FKTN: variants seen among roughly 807,000 people sequenced by gnomAD.
FKTN encodes ribitol-5-phosphate transferase FKTN.
Under a neutral mutation model 58.6 loss-of-function variants are expected in FKTN, and 47 were observed. The observed-to-expected ratio is 0.80, with a 90% CI of 0.63 to 1.02. FKTN has a LOEUF of 1.02. FKTN is among the 50% of genes least tolerant of loss of function. The pLI, the probability that FKTN is intolerant of heterozygous loss-of-function variation, is 0.00. For missense variants in FKTN, 516 were observed against 537.3 expected (o/e 0.96, Z 0.39); for synonymous variants, 178 against 191.9 (o/e 0.93, Z 0.60).
rs1834304964 is a variant in FKTN at position 105,639,871 on chromosome 9, T to C, written c.*4607T>C. 7.3e-7 allele frequency: 1 copy of C among 1,362,562 alleles called. No individual in the cohort carries two copies. The highest frequency in any genetic ancestry group is 1.5e-5 in the African/African-American group (1 of 67,666). The allele number at this position is 1,362,562 out of a possible 1,614,324, so 84.4% of individuals were successfully genotyped here. ...GTACTTCACTAGATTTGGTACCTGC[T>C]CTCCCCTGGACTTCTTTTTCAATAT... is the stretch of plus-strand genomic sequence containing the variant. On this transcript the variant is annotated 3_prime_UTR_variant, in exon 11 of 11. Coordinates refer to ENST00000357998, the MANE Select transcript of FKTN (RefSeq NM_001079802.2).
intron 10 of FKTN, among the ~76,000 whole-genome samples, chr9:105,632,347 A>G (rs1203130875): frequency 6.6e-6 from 1 of 152,082 alleles, no homozygotes; most frequent in Non-Finnish European, 1.5e-5. Context: ...GCAGTGCACC[A>G]GCATGGCACA....
intron 7 of FKTN, among the ~76,000 whole-genome samples, chr9:105,614,415 T>G (rs1830455069): frequency 6.6e-6 from 1 of 152,170 alleles, no homozygotes; most frequent in Admixed American, 6.6e-5. Context: ...CAGGCACTAC[T>G]CTACCCACTG....
At chr9:105,597,674 C>A (rs1221115339) in intron 4 of FKTN, among the ~76,000 whole-genome samples, 1 of 152,068 alleles carries the variant, frequency 6.6e-6, no homozygotes, top group East Asian at 1.9e-4. Context: ...AATACTTGGA[C>A]CTGATTTATC....
intron 1 of FKTN, among the ~76,000 whole-genome samples, chr9:105,566,455 C>T (rs994064641): frequency 1.4e-4 from 22 of 151,928 alleles, no homozygotes; most frequent in Admixed American, 5.2e-4. Context: ...CAATAAAAAA[C>T]GATAAAGGGG....
intron 7 of FKTN, among the ~76,000 whole-genome samples, chr9:105,608,330 A>G (rs1829285550): frequency 6.6e-6 from 1 of 152,208 alleles, no homozygotes; most frequent in Non-Finnish European, 1.5e-5. Flanking sequence ...CTTCATGAAA[A>G]TACAGTTTGT....
At chr9:105,633,593 C>CTG (rs1456852009) in intron 10 of FKTN, 1 of 152,170 alleles carries the variant, frequency 6.6e-6, no homozygotes, top group Admixed American at 6.5e-5. Context: ...AAATTGGGAC[C>CTG]AGCAGATGGT....
Position 105,640,196 on chromosome 9 carries a change from G to A in FKTN, c.*4932G>A, listed in dbSNP as rs1481214912. On this transcript the variant is annotated 3_prime_UTR_variant, in exon 11 of 11. Transcript: ENST00000357998. ...CATAAGTGAAACAGACTAATTCAATGGCAATACCTTTTGTATAGGTCCTGT... is the reference window on the plus strand; with the variant it reads ...CATAAGTGAAACAGACTAATTCAATAGCAATACCTTTTGTATAGGTCCTGT... 3.1e-5 allele frequency: 48 copies of A among 1,527,510 alleles called. No individual in the cohort carries two copies. Among genetic ancestry groups the A allele is most frequent in the Non-Finnish European group, 4.1e-5 (47 of 1,142,458 alleles). 94.6% of individuals were successfully genotyped at this position (1,527,510 alleles called of 1,614,324 possible).
chr9:105,602,607 G>T (rs773792666), intron 5 of FKTN, among the ~76,000 whole-genome samples: 3 of 152,250 alleles, frequency 2.0e-5, no homozygotes, highest in Non-Finnish European at 2.9e-5. Context: ...CCAGGCTGGA[G>T]TGCAGTGGTG....
intron 3 of FKTN, among the ~76,000 whole-genome samples, chr9:105,593,042 T>C (rs1022452396): frequency 2.0e-5 from 3 of 152,218 alleles, no homozygotes; most frequent in Admixed American, 2.0e-4. Context: ...TGTTCTCGAA[T>C]TGCTATAAAG....
chr9:105,565,063 A>G (rs1415941603), intron 1 of FKTN, among the ~76,000 whole-genome samples: 1 of 152,208 alleles, frequency 6.6e-6, no homozygotes, highest in Non-Finnish European at 1.5e-5. Flanking sequence ...TCATAAGTGA[A>G]GGAGAAATAA....
intron 5 of FKTN, 129 bp from the exon 6 acceptor site, chr9:105,604,086 A>G: frequency 1.1e-6 from 1 of 896,214 alleles, no homozygotes; most frequent in Non-Finnish European, 1.8e-6. Context: ...GTTCTTACAG[A>G]GCAGATTAGC....
intron 3 of FKTN, among the ~76,000 whole-genome samples, chr9:105,586,613 A>G (rs930137270): frequency 1.3e-5 from 2 of 152,240 alleles, no homozygotes; most frequent in Admixed American, 6.5e-5. Context: ...GGCAGCATCA[A>G]TAATTTTTGA....
At chr9:105,618,924 T>A (rs1026435624) in intron 9 of FKTN, among the ~76,000 whole-genome samples, 1 of 152,078 alleles carries the variant, frequency 6.6e-6, no homozygotes, top group African/African-American at 2.4e-5. Flanking sequence ...CCGGGCGCGG[T>A]GGCGGGCGCC....
rs1834276579 is a variant in FKTN, at chr9:105,639,459, G to A, written c.*4195G>A. 3.1e-6 allele frequency: 2 copies of A among 637,562 alleles called. No individual in the cohort carries two copies. Among genetic ancestry groups the A allele is most frequent in the South Asian group, 1.4e-4 (2 of 14,256 alleles). 39.5% of individuals were successfully genotyped at this position (637,562 alleles called of 1,614,324 possible). A position where few individuals can be genotyped will look rare whatever the true frequency, so the allele number is the denominator to read the frequency against. On this transcript the variant is annotated 3_prime_UTR_variant, in exon 11 of 11. Coordinates refer to ENST00000357998, the MANE Select transcript of FKTN (RefSeq NM_001079802.2). ...GGGGAAATGATACATACTTCTAAGG[G>A]TTTTTAGGGGGATTAAATGAAGTAT... is the stretch of plus-strand genomic sequence containing the variant.
At position 105,640,940 on chromosome 9, in the gene FKTN, A is replaced by C. The variant is rs1161763519; in HGVS notation, c.*5676A>C. On this transcript the variant is annotated 3_prime_UTR_variant, in exon 11 of 11. Coordinates refer to ENST00000357998, the MANE Select transcript of FKTN (RefSeq NM_001079802.2). ...AAACATATATATGAATTTCTAAACA[A>C]AGTGATATTTTAAAGATGAATTGAT... is the stretch of plus-strand genomic sequence containing the variant. 1 of 152,198 alleles carries C rather than the reference A, an allele frequency of 6.6e-6. No individual in the cohort carries two copies. Among genetic ancestry groups the C allele is most frequent in the Non-Finnish European group, 1.5e-5 (1 of 68,024 alleles). The allele number at this position is 152,198 out of a possible 1,614,324, so 9.4% of individuals were successfully genotyped here. A position where few individuals can be genotyped will look rare whatever the true frequency, so the allele number is the denominator to read the frequency against.
chr9:105,570,003 G>A (rs1361376285), intron 1 of FKTN, among the ~76,000 whole-genome samples: 2 of 152,062 alleles, frequency 1.3e-5, no homozygotes, highest in Non-Finnish European at 2.9e-5. Flanking sequence ...ATAAAAAGAA[G>A]TGTATATAGA....
At chr9:105,570,073 T>G (rs1183868486) in intron 1 of FKTN, among the ~76,000 whole-genome samples, 1 of 152,172 alleles carries the variant, frequency 6.6e-6, no homozygotes, top group Non-Finnish European at 1.5e-5. Context: ...TTTATATTTT[T>G]AAACGTTTAT....
At chr9:105,584,549 G>A (rs1843580383) in intron 3 of FKTN, among the ~76,000 whole-genome samples, 1 of 152,156 alleles carries the variant, frequency 6.6e-6, no homozygotes, top group Non-Finnish European at 1.5e-5. Flanking sequence ...AGTGGGTGCA[G>A]TGGCTCACAC....
At chr9:105,578,947 T>A (rs532620356) in intron 3 of FKTN, among the ~76,000 whole-genome samples, 1 of 151,948 alleles carries the variant, frequency 6.6e-6, no homozygotes, top group Non-Finnish European at 1.5e-5. Flanking sequence ...GATTTTCTAG[T>A]TTATTTGTGT....
Sources: gnomAD v4.1 joint callset for allele counts (sites outside exome capture counted in the v4.1 genomes callset) on GRCh38, gnomAD v4.1.1 for gene constraint, MANE v1.5 for transcripts, NCBI Gene and HGNC (gene_info 2026-07-23, HGNC 2026-07-21) for gene names.